Variants in XDH observed in about 807,000 individuals in gnomAD.
XDH encodes xanthine dehydrogenase/oxidase.
A neutral mutation model predicts 156.1 loss-of-function variants in XDH; 138 were observed. That is an observed-to-expected ratio of 0.88 (90% CI 0.77 to 1.02). The LOEUF is 1.02. XDH is among the 50% of genes least tolerant of loss of function. The pLI is 0.00. For synonymous variants in XDH, 669 were observed against 625.7 expected, an observed-to-expected ratio of 1.07 and a Z score of -1.03; for missense variants, 1,849 against 1,684.9, an observed-to-expected ratio of 1.10 and a Z score of -1.71.
intron 6 of XDH, among the ~76,000 whole-genome samples, chr2:31,393,351 T>C (rs1686817442): frequency 6.6e-6 from 1 of 152,250 alleles, no homozygotes; most frequent in Non-Finnish European, 1.5e-5. Flanking sequence ...TATATCTTCT[T>C]GGAGTATTGA....
chr2:31,341,665 G>A (rs146654379), intron 32 of XDH, among the ~76,000 whole-genome samples: 13 of 152,250 alleles, frequency 8.5e-5, no homozygotes, highest in Middle Eastern at 3.4e-3. Context: ...ACATTCATAC[G>A]TGAGTAGTCA....
intron 24 of XDH, among the ~76,000 whole-genome samples, chr2:31,358,690 T>C (rs1354338582): frequency 6.6e-6 from 1 of 152,094 alleles, no homozygotes; most frequent in Non-Finnish European, 1.5e-5. Flanking sequence ...AGAAAAAGCA[T>C]TTGACAAAAT....
intron 13 of XDH, among the ~76,000 whole-genome samples, chr2:31,378,844 AC>A (rs1299408968): frequency 2.9e-5 from 4 of 136,166 alleles, no homozygotes. Context: ...CACTTTCATC[AC>A]TCATAATTAA....
chr2:31,359,337 C>T lies in XDH; in HGVS notation c.2631+4821G>A, dbSNP rs1685712020. 2.0e-5 allele frequency among the ~76,000 whole-genome samples: 3 copies of T among 151,248 alleles called. No individual in the cohort carries two copies. The South Asian group carries it at 6.3e-4, about 32-fold the overall frequency. On this transcript the variant is annotated intron_variant, in intron 24 of 35. Transcript: ENST00000379416. ...TGACAAATTCAGCATTAACTGCCAA[C>T]TCTATAGACATGTTTAACAAAACAA...
chr2:31,335,246 T>C lies in XDH; in HGVS notation c.*712A>G, dbSNP rs1684943121. 6.7e-6 allele frequency: 1 copy of C among 150,042 alleles called. No individual in the cohort carries two copies. The highest frequency in any genetic ancestry group is 1.5e-5 in the Non-Finnish European group (1 of 67,048). 9.3% of individuals were successfully genotyped at this position (150,042 alleles called of 1,614,324 possible). A position where few individuals can be genotyped will look rare whatever the true frequency, so the allele number is the denominator to read the frequency against. The stretch of plus-strand genomic sequence containing the variant: ...TAAACATAATCTTTTTTGTAAATAC[T>C]CAAAGAGTATTTGGAATACAAATAT... On this transcript the variant is annotated 3_prime_UTR_variant, in exon 36 of 36. Transcript: ENST00000379416.
rs1016462794 is a variant in XDH, at chr2:31,366,758, C to T, written c.2322+112G>A. 6 of 1,555,402 alleles carry T rather than the reference C, an allele frequency of 3.9e-6. No homozygotes were observed. The Admixed American group carries it at 5.0e-5, about 13-fold the overall frequency. On this transcript the variant is annotated intron_variant, in intron 21 of 35. Transcript: ENST00000379416. ...CTCCAGGACTATGACACTCGAGTAC[C>T]CTCTGGACCAGCCCACATCTCCCTC...
At chr2:31,339,061 G>T (rs113295448) in intron 34 of XDH, among the ~76,000 whole-genome samples, 2,867 of 152,108 alleles carry the variant, frequency 0.019, 79 homozygotes, top group African/African-American at 0.065. Flanking sequence ...GCAACTGAAG[G>T]AGGTAAAAGG....
rs533102614 is a variant in XDH at position 31,372,189 on chromosome 2, C to T, written c.1856+39G>A. On this transcript the variant is annotated intron_variant, in intron 17 of 35. Transcript: ENST00000379416. ...TCCTGGGTACTCCCAGTGGCCCCCTCACAGCATTCCACCAGCTCCTCCTGG... is the reference window on the plus strand; with the variant it reads ...TCCTGGGTACTCCCAGTGGCCCCCTTACAGCATTCCACCAGCTCCTCCTGG... 6 of 1,614,038 alleles carry T rather than the reference C, an allele frequency of 3.7e-6. No homozygotes were observed. The Admixed American group carries it at 8.3e-5, about 22-fold the overall frequency.
intron 17 of XDH, 55 bp downstream of exon 17, chr2:31,372,173 C>T: frequency 6.2e-7 from 1 of 1,613,510 alleles, no homozygotes; most frequent in Non-Finnish European, 8.5e-7. Context: ...CTCCTGGGTA[C>T]TCCCAGTGGC....
chr2:31,384,244 C>T, intron 9 of XDH: 1 of 274,842 alleles, frequency 3.6e-6, no homozygotes, highest in Non-Finnish European at 7.1e-6. Flanking sequence ...ATGCTCACAA[C>T]AACCCTATGA....
chr2:31,407,339 G>C (rs893063059), intron 1 of XDH, among the ~76,000 whole-genome samples: 2 of 152,182 alleles, frequency 1.3e-5, no homozygotes, highest in African/African-American at 4.8e-5. Flanking sequence ...CCCGGAGCTT[G>C]GTAGAGCAGA....
intron 24 of XDH, among the ~76,000 whole-genome samples, chr2:31,360,893 T>A (rs963187379): frequency 2.6e-5 from 4 of 152,220 alleles, no homozygotes; most frequent in African/African-American, 9.7e-5. Flanking sequence ...GTTTCAGGCA[T>A]CCACTGGGAG....
rs566391108 is a variant in XDH at position 31,364,147 on chromosome 2, G to T, written c.2631+11C>A. 1.3e-5 allele frequency: 21 copies of T among 1,613,620 alleles called. No homozygotes were observed. In the East Asian group the frequency reaches 4.7e-4, roughly 36 times the overall value. On this transcript the variant is annotated intron_variant, in intron 24 of 35. Coordinates refer to ENST00000379416, the MANE Select transcript of XDH (RefSeq NM_000379.4). ...GCTCTGGGTGCAGGGGCGGCTGCAG[G>T]TCCTACTCACACTCTGAGAGAGATC...
At position 31,347,687 on chromosome 2, in the gene XDH, G is replaced by T. The variant is rs752449604; in HGVS notation, c.3148-37C>A. On this transcript the variant is annotated intron_variant, in intron 28 of 35. Transcript: ENST00000379416. Reference sequence around the variant, plus strand: ...GAAGACATTGCCCTCTAGGGAAGGGGTTATCATGGGGCTTGGCTGCCTTCT... The same window carrying T: ...GAAGACATTGCCCTCTAGGGAAGGGTTTATCATGGGGCTTGGCTGCCTTCT... The T allele has an allele frequency of 5.2e-5, 83 of 1,602,938 alleles. No individual in the cohort carries two copies. In the Middle Eastern group the frequency reaches 1.2e-3, roughly 22 times the overall value.
intron 35 of XDH, among the ~76,000 whole-genome samples, chr2:31,336,352 T>C (rs1040064267): frequency 2.6e-5 from 4 of 152,360 alleles, no homozygotes; most frequent in Admixed American, 6.5e-5. Flanking sequence ...ATCGCTGGTA[T>C]GTTGTAACAT....
At chr2:31,390,821 C>T (rs746627336) in intron 6 of XDH, among the ~76,000 whole-genome samples, 17 of 152,196 alleles carry the variant, frequency 1.1e-4, no homozygotes, top group Non-Finnish European at 2.1e-4. Flanking sequence ...GGTAGCTGTG[C>T]AGGTCTTTTA....
chr2:31,340,222 GA>G (rs1685090108), intron 33 of XDH, among the ~76,000 whole-genome samples: 2 of 152,108 alleles, frequency 1.3e-5, no homozygotes, highest in African/African-American at 4.8e-5. Context: ...ATACCTCAAC[GA>G]GCATTCAGAA....
Position 31,386,467 on chromosome 2 carries a change from T to G in XDH, c.740A>C (p.Asp247Ala). The G allele has an allele frequency of 6.2e-7, 1 of 1,614,020 alleles. No individual in the cohort carries two copies. Among genetic ancestry groups the G allele is most frequent in the South Asian group, 1.1e-5 (1 of 91,052 alleles). Reference protein sequence around the residue: ...IQASTLKELLDLKAQHPDAKL... With the variant: ...IQASTLKELLALKAQHPDAKL... ...GGCGTCAGGGTGCTGAGCCTTGAGG[T>G]CCAGCAGCTCCTTGAGGGTTGAGGC... Residue 247 changes from aspartate (D) to alanine (A), a missense_variant, in exon 9 of 36, where the codon GAC becomes GCC. Asp to Ala is a moderately radical substitution (Grantham distance 126). Coordinates refer to ENST00000379416, the MANE Select transcript of XDH (RefSeq NM_000379.4).
At chr2:31,403,017 T>C in intron 3 of XDH, 31 bp downstream of exon 3, 4 of 1,611,462 alleles carry the variant, frequency 2.5e-6, no homozygotes, top group Admixed American at 1.7e-5. Flanking sequence ...GCAGCCCCCA[T>C]GTGGGTGGTC....
Sources: allele counts gnomAD v4.1 joint callset (sites outside exome capture counted in the v4.1 genomes callset), GRCh38; gene constraint gnomAD v4.1.1; transcripts MANE v1.5; gene names NCBI Gene and HGNC (gene_info 2026-07-23, HGNC 2026-07-21).